Variants in USP6 observed in about 807,000 individuals in gnomAD.
USP6 encodes ubiquitin specific peptidase 6.
In USP6, 128 loss-of-function variants were observed where a neutral mutation model predicts 175.7. The ratio of observed to expected loss-of-function variants is 0.73; its 90% CI spans 0.63 to 0.84. The LOEUF is 0.84. USP6 is among the 40% of genes least tolerant of loss of function. The probability of loss-of-function intolerance (pLI) is 0.00; values close to 1 mark genes in which losing one functional copy is unlikely to be tolerated. For synonymous variants in USP6, 562 were observed against 630.6 expected (o/e 0.89, Z 1.63); for missense variants, 1,498 against 1,760.3 (o/e 0.85, Z 2.67).
chr17:5,117,836 T>A (rs2072569310), intron 1 of USP6, among the ~76,000 whole-genome samples: 1 of 152,074 alleles, frequency 6.6e-6, no homozygotes, highest in African/African-American at 2.4e-5. Flanking sequence ...GGCTCACACC[T>A]GTAATCCCAG....
chr17:5,151,691 T>G (rs2073777472), intron 30 of USP6, among the ~76,000 whole-genome samples: 1 of 152,106 alleles, frequency 6.6e-6, no homozygotes, highest in Non-Finnish European at 1.5e-5. Flanking sequence ...AGAAACCAGT[T>G]CACAAATGTA....
chr17:5,151,772 G>A (rs2073778952), intron 30 of USP6, among the ~76,000 whole-genome samples: 2 of 152,088 alleles, frequency 1.3e-5, no homozygotes, highest in African/African-American at 4.8e-5. Context: ...AAGTGGTGCT[G>A]GGACAATTAG....
At chr17:5,148,414 A>T in intron 29 of USP6, 142 bp from the exon 30 acceptor site, 2 of 1,036,500 alleles carry the variant, frequency 1.9e-6, no homozygotes, top group Non-Finnish European at 2.7e-6. Flanking sequence ...TCTTCCAATA[A>T]ATCTAGAATT....
At chr17:5,150,295 A>AAAATAAATAAATAAAT (rs201171351) in intron 30 of USP6, among the ~76,000 whole-genome samples, 6 of 138,846 alleles carry the variant, frequency 4.3e-5, no homozygotes, top group South Asian at 2.2e-4. Flanking sequence ...TCCGTCTAAA[A>AAAATAAATAAATAAAT]AAATAAATAA....
In USP6 at chr17:5,137,139, G is replaced by A. The variant is rs750295681; in HGVS notation, c.778G>A (p.Gly260Arg). Residue 260 changes from glycine to arginine, a missense_variant, in exon 19 of 38, where the codon GGG becomes AGG. Physicochemically the swap from Gly to Arg is moderately radical, Grantham distance 125. Around this residue, in one of 2 missense-constraint regions of USP6, gnomAD observed 1,217 missense variants for 1,500.8 expected, o/e 0.81. Coordinates refer to ENST00000574788, the MANE Select transcript of USP6 (RefSeq NM_001304284.2). ...MWHQDKEGLC[G>R]QCASLGCLLR... ...CCATCAGGACAAGGAAGGTCTATGCGGGCAGTGTGCCTCGTTAGGCTGCCT... is the reference window on the plus strand; with the variant it reads ...CCATCAGGACAAGGAAGGTCTATGCAGGCAGTGTGCCTCGTTAGGCTGCCT... The A allele has an allele frequency of 7.4e-6, 12 of 1,613,314 alleles. No homozygotes were observed. Among genetic ancestry groups the A allele is most frequent in the East Asian group, 4.5e-5 (2 of 44,876 alleles).
chr17:5,134,573 C>T (rs773210271), intron 15 of USP6: 3 of 175,924 alleles, frequency 1.7e-5, no homozygotes, highest in African/African-American at 7.2e-5. Flanking sequence ...CCTCATCACT[C>T]ACACATGGAG....
rs1421011747 is a variant in USP6, at chr17:5,135,225, G to A, written c.495-9G>A. 70 of 1,612,336 alleles carry A rather than the reference G, an allele frequency of 4.3e-5. No individual in the cohort carries two copies. The highest frequency in any genetic ancestry group is 5.9e-5 in the Non-Finnish European group (69 of 1,178,852). ...AACCAAACCATAGCCCCCTTTCTGT[G>A]TTTCCTAGGCAGAGGGAACTATTCT... On this transcript the variant is annotated splice_polypyrimidine_tract_variant and intron_variant, in intron 15 of 37. Transcript: ENST00000574788.
intron 31 of USP6, 83 bp downstream of exon 31, chr17:5,155,689 C>A: frequency 7.6e-7 from 1 of 1,311,628 alleles, no homozygotes; most frequent in Non-Finnish European, 1.0e-6. Flanking sequence ...ACAGATAGGG[C>A]CCAGCCCATG....
chr17:5,122,697 C>T (rs369542869), intron 4 of USP6, among the ~76,000 whole-genome samples: 15 of 152,294 alleles, frequency 9.8e-5, no homozygotes, highest in African/African-American at 3.1e-4. Context: ...CAGCTGCCCG[C>T]GCCTAAGCTC....
chr17:5,167,395 C>A (rs575493889), intron 33 of USP6, among the ~76,000 whole-genome samples: 165 of 152,204 alleles, frequency 1.1e-3, no homozygotes, highest in Non-Finnish European at 1.9e-3. Context: ...ATTCAAAAAT[C>A]TTTCAAGAAA....
At chr17:5,150,211 G>A (rs1401316589) in intron 30 of USP6, among the ~76,000 whole-genome samples, 1 of 151,880 alleles carries the variant, frequency 6.6e-6, no homozygotes, top group Admixed American at 6.6e-5. Flanking sequence ...AGAATCGCTT[G>A]AACCTGGGAG....
chr17:5,134,866 C>T (rs560996675), intron 15 of USP6: 1 of 339,860 alleles, frequency 2.9e-6, no homozygotes, highest in Non-Finnish European at 5.7e-6. Context: ...ATAGGGGAAA[C>T]CCTGGAGATT....
chr17:5,133,085 G>C (rs1290408230), intron 13 of USP6, 95 bp downstream of exon 13: 1 of 1,444,930 alleles, frequency 6.9e-7, no homozygotes, highest in Non-Finnish European at 9.6e-7. Flanking sequence ...GCCTCTCAGA[G>C]GGCGGGTGGC....
In USP6 at chr17:5,133,493, G is replaced by A. The variant is rs2073144913; in HGVS notation, c.327G>A (p.Val109=). 1 of 1,611,800 alleles carries A rather than the reference G, an allele frequency of 6.2e-7. No individual in the cohort carries two copies. The highest frequency in any genetic ancestry group is 1.1e-5 in the South Asian group (1 of 90,984). The part of the protein sequence containing the change: ...KGIPMNIRGP[V]WSVLLNIQEI... ...TTCCCATGAACATCCGGGGCCCGGT[G>A]TGGTCAGTCCTCCTGAACATTCAGG... The change falls in exon 14 of 38, where the codon GTG becomes GTA. Residue 109 remains valine (V), a synonymous_variant. Transcript: ENST00000574788.
chr17:5,128,449 A>G (rs1414149735), intron 7 of USP6: 1 of 152,236 alleles, frequency 6.6e-6, no homozygotes. Flanking sequence ...CAACAGCAGC[A>G]GTCACTTCCC....
chr17:5,169,776 G>A (rs2074174176), intron 35 of USP6, among the ~76,000 whole-genome samples: 2 of 151,968 alleles, frequency 1.3e-5, no homozygotes, highest in Non-Finnish European at 2.9e-5. Context: ...GAGAAAATAT[G>A]TGCTTTTTCA....
chr17:5,138,062 G>GTA, intron 20 of USP6, 59 bp from the exon 21 acceptor site: 1 of 1,612,634 alleles, frequency 6.2e-7, no homozygotes, highest in East Asian at 2.2e-5. Context: ...TGGCCACAGG[G>GTA]TATGAGCTGT....
chr17:5,148,855 G>A (rs1462564868), intron 30 of USP6, 88 bp downstream of exon 30: 1 of 1,519,546 alleles, frequency 6.6e-7, no homozygotes, highest in Admixed American at 2.2e-5. Context: ...ATCATTGAAT[G>A]CATTTTCTTC....
intron 31 of USP6, among the ~76,000 whole-genome samples, chr17:5,156,990 A>G (rs1307353520): frequency 6.6e-6 from 1 of 152,154 alleles, no homozygotes; most frequent in African/African-American, 2.4e-5. Context: ...TCAGCCTCCC[A>G]AAGTACTGGT....
Sources: gnomAD v4.1 joint callset for allele counts (sites outside exome capture counted in the v4.1 genomes callset) on GRCh38, gnomAD v4.1.1 for gene constraint, gnomAD v4.1.1 regional missense constraint, MANE v1.5 for transcripts, NCBI Gene and HGNC (gene_info 2026-07-23, HGNC 2026-07-21) for gene names.